Variants in TNPO1 observed in about 807,000 individuals in gnomAD.
The protein encoded by TNPO1 is transportin 1, also known as transportin-1.
Under a neutral mutation model 119.5 loss-of-function variants are expected in TNPO1, and 8 were observed. The observed-to-expected ratio is 0.07, with a 90% CI of 0.04 to 0.12. The LOEUF (loss-of-function observed/expected upper bound fraction) is 0.12, where lower values mean the gene tolerates loss of function less well. Ranked by LOEUF, TNPO1 falls within the 10% of genes least tolerant of loss-of-function variation. The probability of loss-of-function intolerance (pLI) is 1.00; values close to 1 mark genes in which losing one functional copy is unlikely to be tolerated. For synonymous variants in TNPO1, 362 were observed against 363.0 expected, an observed-to-expected ratio of 1.00 and a Z score of 0.03; for missense variants, 576 against 1,089.8, an observed-to-expected ratio of 0.53 and a Z score of 6.64.
At chr5:72,858,461 A>G (rs1057327098) in intron 4 of TNPO1, among the ~76,000 whole-genome samples, 1 of 152,114 alleles carries the variant, frequency 6.6e-6, no homozygotes, top group African/African-American at 2.4e-5. Flanking sequence ...ACTTTTTGAT[A>G]TGTATTAGTG....
chr5:72,899,861 C>T (rs538842305), intron 20 of TNPO1, 145 bp from the exon 21 acceptor site: 2 of 623,702 alleles, frequency 3.2e-6, no homozygotes, highest in Non-Finnish European at 2.8e-6. Context: ...CTGGTGAAAT[C>T]TTATGTTTAT....
At chr5:72,888,375 T>C in intron 13 of TNPO1, 72 bp downstream of exon 13, 1 of 1,337,016 alleles carries the variant, frequency 7.5e-7, no homozygotes, top group Non-Finnish European at 1.1e-6. Flanking sequence ...TGATGGAGTG[T>C]TGGTGTTAAA....
At chr5:72,884,063 G>A (rs1467675583) in intron 11 of TNPO1, among the ~76,000 whole-genome samples, 3 of 152,084 alleles carry the variant, frequency 2.0e-5, no homozygotes, top group African/African-American at 7.2e-5. Context: ...TGTGTATTCA[G>A]TTCTCTTGGG....
At chr5:72,870,934 CAAAT>C (rs1385401761) in intron 6 of TNPO1, among the ~76,000 whole-genome samples, 12 of 152,274 alleles carry the variant, frequency 7.9e-5, no homozygotes, top group African/African-American at 2.6e-4. Context: ...ATCCCCCCAA[CAAAT>C]GAATGAATTG....
At chr5:72,899,502 A>G (rs1257917771) in intron 20 of TNPO1, among the ~76,000 whole-genome samples, 1 of 152,194 alleles carries the variant, frequency 6.6e-6, no homozygotes, top group Non-Finnish European at 1.5e-5. Context: ...AATTCCCTAG[A>G]TAATTTCCAA....
intron 1 of TNPO1, among the ~76,000 whole-genome samples, chr5:72,842,829 A>G (rs1327945864): frequency 1.3e-5 from 2 of 152,184 alleles, no homozygotes; most frequent in African/African-American, 4.8e-5. Flanking sequence ...TTTTTTATCA[A>G]TTTAAACCCC....
chr5:72,846,712 C>T (rs1004846572), intron 1 of TNPO1, among the ~76,000 whole-genome samples: 12 of 152,212 alleles, frequency 7.9e-5, no homozygotes, highest in Admixed American at 6.5e-4. Context: ...TCATACTCAG[C>T]GATCTCTATC....
At chr5:72,881,572 T>G (rs761758261) in intron 9 of TNPO1, among the ~76,000 whole-genome samples, 29 of 152,352 alleles carry the variant, frequency 1.9e-4, no homozygotes, top group Non-Finnish European at 3.2e-4. Context: ...CAACCGCAAG[T>G]GGTCTCTTCA....
chr5:72,861,651 G>C (rs367731240), intron 4 of TNPO1, among the ~76,000 whole-genome samples, 157 bp from the exon 5 acceptor site: 1 of 151,894 alleles, frequency 6.6e-6, no homozygotes, highest in Non-Finnish European at 1.5e-5. Flanking sequence ...AGATCTGCCC[G>C]CCTCGGCCTC....
rs374907535 is a variant in TNPO1 at position 72,855,837 on chromosome 5, A to T, written c.269A>T (p.Asn90Ile). 5 of 1,612,632 alleles carry T rather than the reference A, an allele frequency of 3.1e-6. No individual in the cohort carries two copies. Among genetic ancestry groups the T allele is most frequent in the African/African-American group, 2.7e-5 (2 of 74,908 alleles). Residue 90 changes from asparagine to isoleucine, a missense_variant, in exon 4 of 25, where the codon AAC (asparagine) becomes ATC (isoleucine). Physicochemically the swap from Asn to Ile is moderately radical, Grantham distance 149. This residue lies in a region of TNPO1 where 310 missense variants were observed against 583.0 expected (regional missense o/e 0.53). Coordinates refer to ENST00000337273, the MANE Select transcript of TNPO1 (RefSeq NM_002270.4). ...LKNNVKAHFQ[N>I]FPNGVTDFIK... The stretch of plus-strand genomic sequence containing the variant: ...AATAATGTGAAAGCACACTTTCAGA[A>T]CTTCCCAAATGGTGTAACAGACTTT...
At chr5:72,885,490 C>T (rs906475209) in intron 11 of TNPO1, among the ~76,000 whole-genome samples, 12 of 152,196 alleles carry the variant, frequency 7.9e-5, no homozygotes, top group African/African-American at 2.9e-4. Context: ...CTTGGGAAAA[C>T]ATACAGGCAT....
At chr5:72,829,833 C>T (rs1231625256) in intron 1 of TNPO1, among the ~76,000 whole-genome samples, 1 of 152,092 alleles carries the variant, frequency 6.6e-6, no homozygotes, top group East Asian at 1.9e-4. Context: ...CTCTTCTTGG[C>T]ACTGAAGACT....
At chr5:72,844,113 A>T (rs1287498266) in intron 1 of TNPO1, among the ~76,000 whole-genome samples, 1 of 152,220 alleles carries the variant, frequency 6.6e-6, no homozygotes, top group African/African-American at 2.4e-5. Flanking sequence ...GTGAAAAGAC[A>T]CTGTCCCTGC....
In TNPO1 at chr5:72,908,717, G is replaced by A. The variant is rs956763626; in HGVS notation, c.*44G>A. On this transcript the variant is annotated 3_prime_UTR_variant, in exon 25 of 25. Coordinates refer to ENST00000337273, the MANE Select transcript of TNPO1 (RefSeq NM_002270.4). ...TGTTCTTTTTCTTATAGGTCCTTCA[G>A]TCTTGGAGACTATAAGGGAGCCTCT... The A allele has an allele frequency of 1.9e-5, 3 of 159,938 alleles. No homozygotes were observed. Among genetic ancestry groups the A allele is most frequent in the African/African-American group, 7.2e-5 (3 of 41,634 alleles). The allele number at this position is 159,938 out of a possible 1,614,324, so 9.9% of individuals were successfully genotyped here.
chr5:72,896,853 G>A (rs1749468939), intron 19 of TNPO1, among the ~76,000 whole-genome samples: 1 of 152,292 alleles, frequency 6.6e-6, no homozygotes, highest in Non-Finnish European at 1.5e-5. Flanking sequence ...TGGTGACGGA[G>A]CGAAACTTTG....
chr5:72,874,437 T>A (rs1364645959), intron 7 of TNPO1, among the ~76,000 whole-genome samples: 2 of 152,180 alleles, frequency 1.3e-5, no homozygotes, highest in African/African-American at 4.8e-5. Context: ...TGCAAGATGA[T>A]GGCATTGGGT....
At chr5:72,873,126 T>G (rs1747528979) in intron 7 of TNPO1, among the ~76,000 whole-genome samples, 1 of 152,118 alleles carries the variant, frequency 6.6e-6, no homozygotes, top group Admixed American at 6.6e-5. Flanking sequence ...AGGCACAGAC[T>G]ACAAGGACAG....
At chr5:72,819,269 A>G (rs1242935867) in intron 1 of TNPO1, among the ~76,000 whole-genome samples, 2 of 152,202 alleles carry the variant, frequency 1.3e-5, no homozygotes, top group African/African-American at 4.8e-5. Context: ...GAACTAAATC[A>G]TGTCCACCAG....
At chr5:72,896,628 G>A (rs551311786) in intron 19 of TNPO1, 72 bp downstream of exon 19, 136 of 1,207,780 alleles carry the variant, frequency 1.1e-4, no homozygotes, top group Middle Eastern at 2.9e-4. Context: ...CCAGCACTTC[G>A]GGAGGCTGAG....
Sources: allele counts gnomAD v4.1 joint callset (sites outside exome capture counted in the v4.1 genomes callset), GRCh38; gene constraint gnomAD v4.1.1; regional missense constraint gnomAD v4.1.1; transcripts MANE v1.5; gene names NCBI Gene and HGNC (gene_info 2026-07-23, HGNC 2026-07-21).